The following PCDHGB7 variants were observed in gnomAD, a reference collection of about 807,000 sequenced individuals.
PCDHGB7 encodes the protein protocadherin gamma-B7.
A neutral mutation model predicts 61.4 loss-of-function variants in PCDHGB7; 37 were observed. That is an observed-to-expected ratio of 0.60 (90% CI 0.46 to 0.79). The LOEUF (loss-of-function observed/expected upper bound fraction) is 0.79, where lower values mean the gene tolerates loss of function less well. Among genes scored for constraint, PCDHGB7 ranks in the 30% least tolerant of loss-of-function variants. The pLI is 0.00. For missense variants in PCDHGB7, 1,166 were observed against 1,202.5 expected (o/e 0.97, Z 0.45); for synonymous variants, 464 against 503.5 (o/e 0.92, Z 1.05).
chr5:141,493,206 C>A lies in PCDHGB7; in HGVS notation c.2416-1601C>A, dbSNP rs191090598. Among the ~76,000 whole-genome samples the A allele has an allele frequency of 2.4e-3, 368 of 152,322 alleles. 2 individuals carry two copies. Among genetic ancestry groups the A allele is most frequent in the Admixed American group, 4.5e-3 (69 of 15,296 alleles). On this transcript the variant is annotated intron_variant, in intron 1 of 3. Transcript: ENST00000398594. This position sits in a 1 kb window ranked among gnomAD's most constrained non-coding sequence, Gnocchi z 4.3. ...TATAACTCCTTTGAGAACCTCATCT[C>A]ATTTGCTCTTCCCACCATTGCTGTT...
rs750804901 is a variant in PCDHGB7, at chr5:141,476,422, C to T, written c.2416-18385C>T. ...GAGAGGAGCTGTGTGGGACACTGCC[C>T]TCTTGCACTGTAACTCTGGAGTTGG... On this transcript the variant is annotated intron_variant, in intron 1 of 3. Transcript: ENST00000398594. The surrounding 1 kb of genome is among the most constrained non-coding windows in gnomAD (Gnocchi z 7.6). The T allele has an allele frequency of 1.7e-5, 28 of 1,614,026 alleles. No homozygotes were observed. Among genetic ancestry groups the T allele is most frequent in the East Asian group, 2.2e-5 (1 of 44,860 alleles).
chr5:141,422,938 G>A (rs1226350240), intron 1 of PCDHGB7: 2 of 1,614,116 alleles, frequency 1.2e-6, no homozygotes, highest in Non-Finnish European at 1.7e-6. Flanking sequence ...CCTCCCCACA[G>A]ACGGCTCCAC....
At chr5:141,468,783 G>T (rs908838744) in intron 1 of PCDHGB7, among the ~76,000 whole-genome samples, 5 of 151,346 alleles carry the variant, frequency 3.3e-5, no homozygotes, top group East Asian at 2.0e-4. Flanking sequence ...GGAGAATGGC[G>T]TGAACCCGGG....
chr5:141,509,081 A>C (rs1279221589), intron 3 of PCDHGB7, among the ~76,000 whole-genome samples: 2 of 152,160 alleles, frequency 1.3e-5, no homozygotes, highest in Non-Finnish European at 2.9e-5. Flanking sequence ...GATTTGCGAC[A>C]TGAAATGGGG....
rs371139792 is a variant in PCDHGB7 at position 141,490,160 on chromosome 5, C to A, written c.2416-4647C>A. On this transcript the variant is annotated intron_variant, in intron 1 of 3. Transcript: ENST00000398594. This position sits in a 1 kb window ranked among gnomAD's most constrained non-coding sequence, Gnocchi z 5.4. The stretch of plus-strand genomic sequence containing the variant: ...AGTGGGGCAATCCATGTGTTGGGTC[C>A]CATAGACTTTGAGGAGTCACGTTTC... The A allele has an allele frequency of 5.6e-6, 9 of 1,614,192 alleles. No homozygotes were observed. The highest frequency in any genetic ancestry group is 7.6e-6 in the Non-Finnish European group (9 of 1,180,016).
In PCDHGB7 at chr5:141,423,305, A is replaced by G. The variant is rs746680027; in HGVS notation, c.2415+3031A>G. On this transcript the variant is annotated intron_variant, in intron 1 of 3. Coordinates refer to ENST00000398594, the MANE Select transcript of PCDHGB7 (RefSeq NM_018927.4). Reference sequence around the variant, plus strand: ...TCTGAAACCTCAGACCTCTCGCTGTACTTGGTGGTGGCGGTGGCCGCAGTC... The same window carrying G: ...TCTGAAACCTCAGACCTCTCGCTGTGCTTGGTGGTGGCGGTGGCCGCAGTC... 23 of 1,613,944 alleles carry G rather than the reference A, an allele frequency of 1.4e-5. No individual in the cohort carries two copies. Among genetic ancestry groups the G allele is most frequent in the Non-Finnish European group, 1.9e-5 (22 of 1,180,004 alleles).
At chr5:141,471,046 C>CT (rs1170588345) in intron 1 of PCDHGB7, among the ~76,000 whole-genome samples, 3,156 of 113,234 alleles carry the variant, frequency 0.028, 57 homozygotes, top group African/African-American at 0.046. Context: ...CCCAAGCCCT[C>CT]TTTTTTTTTT....
Position 141,422,179 on chromosome 5 carries a change from A to G in PCDHGB7, c.2415+1905A>G, listed in dbSNP as rs757086661. The G allele has an allele frequency of 2.0e-5, 32 of 1,562,402 alleles. No homozygotes were observed. Among genetic ancestry groups the G allele is most frequent in the Non-Finnish European group, 2.6e-5 (30 of 1,159,048 alleles). ...TTTTGAAAAATATAGATTCTATGAG[A>G]TGGAAATTCAAGGCCAAGATGGTGG... is the stretch of plus-strand genomic sequence containing the variant. On this transcript the variant is annotated intron_variant, in intron 1 of 3. Coordinates refer to ENST00000398594, the MANE Select transcript of PCDHGB7 (RefSeq NM_018927.4).
At position 141,487,219 on chromosome 5, in the gene PCDHGB7, A is replaced by G. The variant is rs750819958; in HGVS notation, c.2416-7588A>G. ...CAGATCTTCGAGAATCTTCAGCTCC[A>G]AGGGAAGGAGAATCTCGTCTAACCC... On this transcript the variant is annotated intron_variant, in intron 1 of 3. Transcript: ENST00000398594. This position sits in a 1 kb window ranked among gnomAD's most constrained non-coding sequence, Gnocchi z 5.0. The G allele has an allele frequency of 1.2e-6, 2 of 1,613,952 alleles. No individual in the cohort carries two copies. The highest frequency in any genetic ancestry group is 3.3e-5 in the Admixed American group (2 of 60,020).
At chr5:141,433,045 C>T (rs1183696623) in intron 1 of PCDHGB7, 1 of 1,614,196 alleles carries the variant, frequency 6.2e-7, no homozygotes, top group South Asian at 1.1e-5. Flanking sequence ...TCACCACGGA[C>T]TCGCGGAAGA....
chr5:141,458,612 C>T (rs1381385841), intron 1 of PCDHGB7, among the ~76,000 whole-genome samples: 1 of 152,084 alleles, frequency 6.6e-6, no homozygotes, highest in Non-Finnish European at 1.5e-5. Flanking sequence ...CTCTGTCAGC[C>T]AGGCTGGAGT....
At chr5:141,453,922 T>C (rs2098777315) in intron 1 of PCDHGB7, among the ~76,000 whole-genome samples, 1 of 152,230 alleles carries the variant, frequency 6.6e-6, no homozygotes, top group African/African-American at 2.4e-5. Context: ...CAGTGATCAG[T>C]CACTGTGTGC....
chr5:141,465,454 T>G (rs1031876441), intron 1 of PCDHGB7, among the ~76,000 whole-genome samples: 1 of 152,184 alleles, frequency 6.6e-6, no homozygotes, highest in African/African-American at 2.4e-5. Context: ...AAGAAAACTC[T>G]CACCAAATTG....
At chr5:141,421,184 C>G (rs2096551183) in intron 1 of PCDHGB7, 1 of 1,457,940 alleles carries the variant, frequency 6.9e-7, no homozygotes, top group African/African-American at 1.4e-5. Context: ...CGATTCACAA[C>G]CAACCAGCTC....
intron 1 of PCDHGB7, chr5:141,421,458 T>C (rs2096575080): frequency 6.2e-7 from 1 of 1,614,122 alleles, no homozygotes; most frequent in Non-Finnish European, 8.5e-7. Flanking sequence ...AGCTTTTCGC[T>C]GTGAATCCGC....
Position 141,418,916 on chromosome 5 carries a change from T to C in PCDHGB7, c.1057T>C (p.Ser353Pro), listed in dbSNP as rs766021059. The change falls in exon 1 of 4, where the codon TCT becomes CCT. Residue 353 changes from serine (S) to proline (P), a missense_variant. Physicochemically the swap from Ser to Pro is moderately conservative, Grantham distance 74. Coordinates refer to ENST00000398594, the MANE Select transcript of PCDHGB7 (RefSeq NM_018927.4). ...NSPEIIITSL[S>P]DQIMEDSPPG... ...CCCAGAAATAATCATCACGTCACTCTCTGATCAGATTATGGAGGATTCCCC... is the reference window on the plus strand; with the variant it reads ...CCCAGAAATAATCATCACGTCACTCCCTGATCAGATTATGGAGGATTCCCC... 26 of 1,613,830 alleles carry C rather than the reference T, an allele frequency of 1.6e-5. No individual in the cohort carries two copies. Among genetic ancestry groups the C allele is most frequent in the Non-Finnish European group, 1.7e-6 (2 of 1,179,832 alleles).
At chr5:141,478,161 C>T (rs201111122) in intron 1 of PCDHGB7, 20 of 1,613,852 alleles carry the variant, frequency 1.2e-5, no homozygotes, top group Admixed American at 3.3e-5. Context: ...TCTGGCTCTG[C>T]CCCCCGGGAG....
Position 141,489,806 on chromosome 5 carries a change from A to G in PCDHGB7, c.2416-5001A>G. 1 of 1,614,198 alleles carries G rather than the reference A, an allele frequency of 6.2e-7. No homozygotes were observed. Among genetic ancestry groups the G allele is most frequent in the South Asian group, 1.1e-5 (1 of 91,082 alleles). Reference sequence around the variant, plus strand: ...AATGTGAAGACCCTAAAAGATGGGAAGCCATTCCCAGAGCTGGTGCTAGAG... The same window carrying G: ...AATGTGAAGACCCTAAAAGATGGGAGGCCATTCCCAGAGCTGGTGCTAGAG... On this transcript the variant is annotated intron_variant, in intron 1 of 3. Coordinates refer to ENST00000398594, the MANE Select transcript of PCDHGB7 (RefSeq NM_018927.4). The surrounding 1 kb of genome is among the most constrained non-coding windows in gnomAD (Gnocchi z 4.5).
intron 1 of PCDHGB7, among the ~76,000 whole-genome samples, chr5:141,488,554 T>C (rs1313975033): frequency 6.6e-6 from 1 of 152,064 alleles, no homozygotes; most frequent in African/African-American, 2.4e-5. Context: ...CAGCTGACAT[T>C]GAGATTTCCG....
Sources: allele counts gnomAD v4.1 joint callset (sites outside exome capture counted in the v4.1 genomes callset), GRCh38; gene constraint gnomAD v4.1.1; non-coding constraint Gnocchi (gnomAD v3.1); transcripts MANE v1.5; gene names NCBI Gene and HGNC (gene_info 2026-07-23, HGNC 2026-07-21).